The following PCDHGA5 variants were observed in gnomAD, a reference collection of about 807,000 sequenced individuals.
PCDHGA5 encodes the protein protocadherin gamma subfamily A, 5.
In PCDHGA5, 36 loss-of-function variants were observed where a neutral mutation model predicts 56.7. The observed-to-expected ratio is 0.64, with a 90% CI of 0.49 to 0.84. The LOEUF (loss-of-function observed/expected upper bound fraction) is 0.84, where lower values mean the gene tolerates loss of function less well. Among genes scored for constraint, PCDHGA5 ranks in the 40% least tolerant of loss-of-function variants. The pLI is 0.00. For missense variants in PCDHGA5, 1,305 were observed against 1,201.5 expected, an observed-to-expected ratio of 1.09 and a Z score of -1.27; for synonymous variants, 563 against 520.2, an observed-to-expected ratio of 1.08 and a Z score of -1.12.
intron 1 of PCDHGA5, among the ~76,000 whole-genome samples, chr5:141,380,852 C>A (rs1429709070): frequency 6.6e-6 from 1 of 152,182 alleles, no homozygotes; most frequent in Non-Finnish European, 1.5e-5. Context: ...TGGATCAAGA[C>A]ATTGAGAGCT....
intron 1 of PCDHGA5, chr5:141,375,627 A>T (rs1561569034): frequency 6.2e-7 from 1 of 1,614,066 alleles, no homozygotes; most frequent in Non-Finnish European, 8.5e-7. Flanking sequence ...GGGATTCTGT[A>T]CGCCCTGCGC....
At chr5:141,494,890 C>A (rs1483157263) in intron 2 of PCDHGA5, 25 bp downstream of exon 2, 1 of 1,614,120 alleles carries the variant, frequency 6.2e-7, no homozygotes. Context: ...CTCCAGCCCA[C>A]CCTCTTCTCT....
Position 141,467,771 on chromosome 5 carries a change from A to G in PCDHGA5, c.2422-27036A>G, listed in dbSNP as rs542500016. Among the ~76,000 whole-genome samples, 11 of 151,422 alleles carry G rather than the reference A, an allele frequency of 7.3e-5. No individual in the cohort carries two copies. The South Asian group carries it at 2.3e-3, about 32-fold the overall frequency. On this transcript the variant is annotated intron_variant, in intron 1 of 3. Transcript: ENST00000518069. Reference sequence around the variant, plus strand: ...CCGCCTCACATGCTCAAGTGCCCGCACCTCAGCCTCTCAAGTAGCTGGGAC... The same window carrying G: ...CCGCCTCACATGCTCAAGTGCCCGCGCCTCAGCCTCTCAAGTAGCTGGGAC...
At chr5:141,469,700 T>TA (rs1483261429) in intron 1 of PCDHGA5, among the ~76,000 whole-genome samples, 1 of 152,272 alleles carries the variant, frequency 6.6e-6, no homozygotes, top group African/African-American at 2.4e-5. Context: ...TATGACCTAG[T>TA]AATCACACTA....
intron 1 of PCDHGA5, among the ~76,000 whole-genome samples, chr5:141,450,093 G>A (rs1330425383): frequency 2.8e-5 from 4 of 143,748 alleles, no homozygotes; most frequent in East Asian, 2.1e-4. Context: ...TGCAACCTCC[G>A]CCTCCCAGGT....
chr5:141,433,939 A>T (rs1015984226), intron 1 of PCDHGA5, among the ~76,000 whole-genome samples: 2 of 151,714 alleles, frequency 1.3e-5, no homozygotes, highest in Non-Finnish European at 2.9e-5. Context: ...TTATAATTCC[A>T]TTGTTTCTTC....
chr5:141,394,925 C>T (rs771405918), intron 1 of PCDHGA5: 9 of 1,613,696 alleles, frequency 5.6e-6, no homozygotes, highest in South Asian at 1.1e-5. Context: ...CCTGTGTCTT[C>T]CTCGCCTTTG....
chr5:141,375,335 TACA>T, intron 1 of PCDHGA5: 1 of 1,613,812 alleles, frequency 6.2e-7, no homozygotes, highest in Non-Finnish European at 8.5e-7. Flanking sequence ...GGTATTCTTG[TACA>T]ACATCACTGT....
intron 1 of PCDHGA5, chr5:141,415,014 C>T (rs747951360): frequency 1.2e-6 from 2 of 1,613,620 alleles, no homozygotes; most frequent in Non-Finnish European, 1.7e-6. Context: ...ACCGTCTGCT[C>T]AAGGCCAGCG....
intron 1 of PCDHGA5, among the ~76,000 whole-genome samples, chr5:141,462,105 G>A (rs2099031983): frequency 6.6e-6 from 1 of 152,170 alleles, no homozygotes; most frequent in South Asian, 2.1e-4. Flanking sequence ...TTACAGGCAT[G>A]AGCCACTGCA....
Position 141,364,857 on chromosome 5 carries a change from T to C in PCDHGA5, c.527T>C (p.Leu176Pro), listed in dbSNP as rs1243069537. Residue 176 changes from leucine to proline, a missense_variant, in exon 1 of 4, where the codon CTG becomes CCG. Transcript: ENST00000518069. ...CGGAGTTACCAGCTCAGCTCCAATC[T>C]GCACTTCTCTCTGGATGTGGTAAGC... is the stretch of plus-strand genomic sequence containing the variant. ...SLRSYQLSSNLHFSLDVVSGT... is the reference protein window; with the variant it reads ...SLRSYQLSSNPHFSLDVVSGT... The C allele has an allele frequency of 6.2e-7, 1 of 1,614,008 alleles. No homozygotes were observed. The highest frequency in any genetic ancestry group is 1.1e-5 in the South Asian group (1 of 91,082).
At chr5:141,385,465 G>T in intron 1 of PCDHGA5, 1 of 1,441,910 alleles carries the variant, frequency 6.9e-7, no homozygotes, top group Non-Finnish European at 9.1e-7. Flanking sequence ...TCCTTCAGTG[G>T]TGACACTTTA....
chr5:141,373,575 A>C (rs1769694796), intron 1 of PCDHGA5, among the ~76,000 whole-genome samples: 1 of 152,236 alleles, frequency 6.6e-6, no homozygotes, highest in African/African-American at 2.4e-5. Flanking sequence ...GACTAGCATA[A>C]ATGGTGGTGA....
At chr5:141,433,212 T>C (rs747556366) in intron 1 of PCDHGA5, 75 of 1,570,956 alleles carry the variant, frequency 4.8e-5, no homozygotes, top group Non-Finnish European at 6.2e-5. Flanking sequence ...TTCTTTCTTT[T>C]TTTTTTTTAA....
chr5:141,370,171 C>T (rs1008611247), intron 1 of PCDHGA5: 18 of 460,518 alleles, frequency 3.9e-5, no homozygotes, highest in Middle Eastern at 5.5e-4. Flanking sequence ...GCAGAGGCGC[C>T]GGGTGCCGCT....
chr5:141,476,929 G>T lies in PCDHGA5; in HGVS notation c.2422-17878G>T, dbSNP rs1375082202. 6.2e-7 allele frequency: 1 copy of T among 1,614,136 alleles called. No homozygotes were observed. Among genetic ancestry groups the T allele is most frequent in the Admixed American group, 1.7e-5 (1 of 60,034 alleles). On this transcript the variant is annotated intron_variant, in intron 1 of 3. Transcript: ENST00000518069. This position sits in a 1 kb window ranked among gnomAD's most constrained non-coding sequence, Gnocchi z 7.6. ...TGGTACAAGTCCTTGCAACGGATCT[G>T]GATGAAGGCCCCAACGGTGAAATTA...
At chr5:141,435,055 A>T (rs148331367) in intron 1 of PCDHGA5, among the ~76,000 whole-genome samples, 5 of 152,124 alleles carry the variant, frequency 3.3e-5, no homozygotes, top group Non-Finnish European at 7.4e-5. Flanking sequence ...TTGACCATGC[A>T]GCAGTTTTGT....
chr5:141,417,893 G>T (rs766340497), intron 1 of PCDHGA5: 2 of 1,572,670 alleles, frequency 1.3e-6, no homozygotes, highest in Admixed American at 1.9e-5. Flanking sequence ...GCGCCGGGCC[G>T]GCCCGCGGCA....
At chr5:141,501,866 C>T (rs1193396289) in intron 2 of PCDHGA5, among the ~76,000 whole-genome samples, 4 of 152,108 alleles carry the variant, frequency 2.6e-5, no homozygotes, top group South Asian at 2.1e-4. Context: ...TTTCCCAGGA[C>T]GCCTCCTTAC....
Sources: allele counts gnomAD v4.1 joint callset (sites outside exome capture counted in the v4.1 genomes callset), GRCh38; gene constraint gnomAD v4.1.1; non-coding constraint Gnocchi (gnomAD v3.1); transcripts MANE v1.5; gene names NCBI Gene and HGNC (gene_info 2026-07-23, HGNC 2026-07-21).